SUPV3L1: variants seen among roughly 807,000 people sequenced by gnomAD.
SUPV3L1 encodes Suv3 like RNA helicase, also known as ATP-dependent RNA helicase SUPV3L1, mitochondrial.
SUPV3L1 carries 35 observed loss-of-function variants against 70.0 expected under a neutral mutation model. The ratio of observed to expected loss-of-function variants is 0.50; its 90% CI spans 0.38 to 0.66. SUPV3L1 has a LOEUF of 0.66. Ranked by LOEUF, SUPV3L1 falls within the 30% of genes least tolerant of loss-of-function variation. The pLI is 0.00. For synonymous variants in SUPV3L1, 364 were observed against 341.9 expected (o/e 1.06, Z -0.71); for missense variants, 777 against 961.5 (o/e 0.81, Z 2.54).
intron 1 of SUPV3L1, among the ~76,000 whole-genome samples, chr10:69,181,055 G>A (rs1476833898): frequency 1.3e-5 from 2 of 152,138 alleles, no homozygotes; most frequent in African/African-American, 4.8e-5. Flanking sequence ...GAAACGTAAC[G>A]GTATCGTGGG....
At chr10:69,188,668 T>C (rs1842303476) in intron 4 of SUPV3L1, among the ~76,000 whole-genome samples, 1 of 151,980 alleles carries the variant, frequency 6.6e-6, no homozygotes, top group Non-Finnish European at 1.5e-5. Context: ...CTGGTTAATT[T>C]TTGTATTTTT....
At chr10:69,201,603 C>T (rs1226810650) in intron 11 of SUPV3L1, among the ~76,000 whole-genome samples, 1 of 150,464 alleles carries the variant, frequency 6.6e-6, no homozygotes, top group Admixed American at 6.6e-5. Context: ...GGCATGATCA[C>T]GGCTCACGGT....
chr10:69,185,216 A>G (rs1489622222), intron 1 of SUPV3L1, among the ~76,000 whole-genome samples: 2 of 152,192 alleles, frequency 1.3e-5, no homozygotes, highest in African/African-American at 4.8e-5. Context: ...GCCATCTAGC[A>G]CAAAACAAGT....
chr10:69,208,418 T>G (rs766228913), intron 14 of SUPV3L1, among the ~76,000 whole-genome samples, 182 bp from the exon 15 acceptor site: 4 of 152,214 alleles, frequency 2.6e-5, no homozygotes, highest in Non-Finnish European at 5.9e-5. Flanking sequence ...TGACCCACCC[T>G]CAGGATGACA....
Position 69,200,218 on chromosome 10 carries a change from A to G in SUPV3L1, c.1299-62A>G, listed in dbSNP as rs778408711. The G allele has an allele frequency of 2.3e-4, 316 of 1,388,388 alleles. 3 individuals are homozygous for G. The highest frequency in any genetic ancestry group is 2.0e-4 in the Non-Finnish European group (199 of 996,848). 86.0% of individuals were successfully genotyped at this position (1,388,388 alleles called of 1,614,324 possible). ...CTAGTATTGGAGTGAGCATTATGCA[A>G]TGACCCAAGTATTGGAGGGTTTTTC... is the stretch of plus-strand genomic sequence containing the variant. On this transcript the variant is annotated intron_variant, in intron 10 of 14. Coordinates refer to ENST00000359655, the MANE Select transcript of SUPV3L1 (RefSeq NM_003171.5).
intron 1 of SUPV3L1, among the ~76,000 whole-genome samples, chr10:69,184,317 T>G (rs1159201603): frequency 1.3e-5 from 2 of 151,786 alleles, no homozygotes; most frequent in Non-Finnish European, 2.9e-5. Context: ...TCACCTGAGG[T>G]CAGGAGTTCG....
chr10:69,193,359 A>G (rs1278655500), intron 6 of SUPV3L1: 3 of 152,052 alleles, frequency 2.0e-5, no homozygotes, highest in Non-Finnish European at 4.4e-5. Context: ...ATAAAGTAAT[A>G]TATTGTACAG....
chr10:69,198,212 T>G (rs762641085), intron 8 of SUPV3L1, among the ~76,000 whole-genome samples, 160 bp from the exon 9 acceptor site: 1 of 152,232 alleles, frequency 6.6e-6, no homozygotes, highest in African/African-American at 2.4e-5. Flanking sequence ...GTAACACTTA[T>G]AATATCAAAA....
At chr10:69,183,262 C>G (rs1589374651) in intron 1 of SUPV3L1, among the ~76,000 whole-genome samples, 1 of 152,348 alleles carries the variant, frequency 6.6e-6, no homozygotes, top group Admixed American at 6.5e-5. Context: ...TCCACTGCAA[C>G]CAGCTTAGTC....
intron 14 of SUPV3L1, 126 bp downstream of exon 14, chr10:69,208,067 C>A: frequency 1.7e-6 from 2 of 1,197,318 alleles, no homozygotes; most frequent in Non-Finnish European, 2.3e-6. Context: ...TGTCTATTGT[C>A]CATAAAGGCA....
rs544401556 is a variant in SUPV3L1, at chr10:69,188,960, A to G, written c.573-307A>G. Reference sequence around the variant, plus strand: ...AGAGCTGTGGGAATGATGTGAACATAGTATGGAACTGATAGCAGCTTAAAT... The same window carrying G: ...AGAGCTGTGGGAATGATGTGAACATGGTATGGAACTGATAGCAGCTTAAAT... On this transcript the variant is annotated intron_variant, in intron 4 of 14. Coordinates refer to ENST00000359655, the MANE Select transcript of SUPV3L1 (RefSeq NM_003171.5). 2.9e-4 allele frequency among the ~76,000 whole-genome samples: 44 copies of G among 152,366 alleles called. No homozygotes were observed. In the South Asian group the frequency reaches 9.1e-3, roughly 32 times the overall value.
chr10:69,183,184 G>T (rs540429775), intron 1 of SUPV3L1, among the ~76,000 whole-genome samples: 47 of 152,266 alleles, frequency 3.1e-4, no homozygotes, highest in African/African-American at 1.1e-3. Flanking sequence ...AACAATCAGA[G>T]AAAGCCCAGT....
intron 11 of SUPV3L1, among the ~76,000 whole-genome samples, chr10:69,201,823 G>A (rs537447674): frequency 6.7e-6 from 1 of 150,272 alleles, no homozygotes; most frequent in African/African-American, 2.5e-5. Context: ...ACAGGCATGA[G>A]CCACTGCACC....
chr10:69,193,554 A>C (rs1403689440), intron 6 of SUPV3L1, among the ~76,000 whole-genome samples: 1 of 151,164 alleles, frequency 6.6e-6, no homozygotes, highest in Non-Finnish European at 1.5e-5. Flanking sequence ...TCCTGGGCTC[A>C]AACAATCCTC....
intron 7 of SUPV3L1, among the ~76,000 whole-genome samples, chr10:69,196,635 C>T (rs1016643807): frequency 6.6e-6 from 1 of 152,216 alleles, no homozygotes; most frequent in East Asian, 1.9e-4. Context: ...CAACCCCCAA[C>T]CTCTGAGGTA....
Position 69,180,374 on chromosome 10 carries a change from T to C in SUPV3L1, c.83T>C (p.Leu28Pro), listed in dbSNP as rs971314334. The C allele has an allele frequency of 1.1e-5, 17 of 1,614,244 alleles. No homozygotes were observed. The highest frequency in any genetic ancestry group is 1.4e-5 in the Non-Finnish European group (16 of 1,180,036). The stretch of plus-strand genomic sequence containing the variant: ...CACCGGGCAGCCATCTGCTCTGCCC[T>C]TCGTCCCCACTTTGGGCCCTTTCCC... ...AGHRAAICSA[L>P]RPHFGPFPGV... Residue 28 changes from leucine (L) to proline (P), a missense_variant, in exon 1 of 15, where the codon CTT (leucine) becomes CCT (proline). Coordinates refer to ENST00000359655, the MANE Select transcript of SUPV3L1 (RefSeq NM_003171.5).
At chr10:69,202,718 G>A (rs1842716706) in intron 12 of SUPV3L1, 149 bp from the exon 13 acceptor site, 2 of 988,434 alleles carry the variant, frequency 2.0e-6, no homozygotes, top group Non-Finnish European at 3.0e-6. Context: ...TTTCAGGTGG[G>A]GAAGGATATG....
intron 13 of SUPV3L1, among the ~76,000 whole-genome samples, chr10:69,203,687 A>G (rs1459398355): frequency 4.0e-5 from 6 of 149,314 alleles, no homozygotes; most frequent in Admixed American, 6.7e-5. Flanking sequence ...ACAAAACTCT[A>G]CCAAGGTTTA....
intron 7 of SUPV3L1, among the ~76,000 whole-genome samples, chr10:69,195,816 C>T (rs1842527415): frequency 6.6e-6 from 1 of 152,102 alleles, no homozygotes; most frequent in African/African-American, 2.4e-5. Context: ...AGTTGTGGCT[C>T]ACTGCAGCCT....
Sources: allele counts gnomAD v4.1 joint callset (sites outside exome capture counted in the v4.1 genomes callset), GRCh38; gene constraint gnomAD v4.1.1; transcripts MANE v1.5; gene names NCBI Gene and HGNC (gene_info 2026-07-23, HGNC 2026-07-21).